CAVIN1: variants seen among roughly 807,000 people sequenced by gnomAD.
CAVIN1 encodes caveolae associated protein 1, also known as caveolae-associated protein 1.
CAVIN1 carries 16 observed loss-of-function variants against 24.0 expected under a neutral mutation model. The observed-to-expected ratio is 0.67, with a 90% confidence interval of 0.45 to 1.01. The LOEUF (loss-of-function observed/expected upper bound fraction) is 1.01. Among genes scored for constraint, CAVIN1 ranks in the 50% least tolerant of loss-of-function variants. The pLI is 0.00. For synonymous variants in CAVIN1, 256 were observed against 256.4 expected (o/e 1.00, Z 0.02); for missense variants, 510 against 551.7 (o/e 0.92, Z 0.76).
In CAVIN1 at chr17:42,423,066, C is replaced by T. The variant is rs970410049; in HGVS notation, c.32G>A (p.Arg11Gln). MEDPTLYIVE[R>Q]PLPGYPDAEA... ...GGCGTCGGGGTACCCGGGAAGCGGC[C>T]GCTCGACAATATAGAGCGTGGGGTC... Residue 11 changes from arginine (R) to glutamine (Q), a missense_variant, in exon 1 of 2, where the codon CGG becomes CAG. Coordinates refer to ENST00000357037, the MANE Select transcript of CAVIN1 (RefSeq NM_012232.6). 3 of 1,602,818 alleles carry T rather than the reference C, an allele frequency of 1.9e-6. No homozygotes were observed. The African/African-American group carries it at 4.0e-5, about 22-fold the overall frequency.
At chr17:42,405,442 G>T in intron 1 of CAVIN1, 54 bp from the exon 2 acceptor site, 1 of 1,574,048 alleles carries the variant, frequency 6.4e-7, no homozygotes, top group Non-Finnish European at 8.6e-7. Flanking sequence ...GGATGTGGGC[G>T]AGCCTGAGTC....
chr17:42,410,609 C>T (rs2085469489), intron 1 of CAVIN1, among the ~76,000 whole-genome samples: 1 of 151,970 alleles, frequency 6.6e-6, no homozygotes, highest in Admixed American at 6.6e-5. Context: ...AGATGAACAG[C>T]TTGGTTAAAA....
At position 42,423,181 on chromosome 17, in the gene CAVIN1, G is replaced by A. The variant is rs2085569110; in HGVS notation, c.-84C>T. 4 of 1,130,300 alleles carry A rather than the reference G, an allele frequency of 3.5e-6. No individual in the cohort carries two copies. The South Asian group carries it at 4.8e-5, about 13-fold the overall frequency. The allele number at this position is 1,130,300 out of a possible 1,614,324, so 70.0% of individuals were successfully genotyped here. ...GGAGAGAAGCAGGAGCGGAAGGGAG[G>A]AGAGCTAGCGGGCGAGAGCGGAGAG... is the stretch of plus-strand genomic sequence containing the variant. On this transcript the variant is annotated 5_prime_UTR_variant, in exon 1 of 2. Coordinates refer to ENST00000357037, the MANE Select transcript of CAVIN1 (RefSeq NM_012232.6).
chr17:42,407,422 A>G (rs1236242470), intron 1 of CAVIN1, among the ~76,000 whole-genome samples: 2 of 152,092 alleles, frequency 1.3e-5, no homozygotes, highest in African/African-American at 2.4e-5. Context: ...GCTGCTCGGT[A>G]TCTCTGCACC....
Position 42,402,900 on chromosome 17 carries a change from T to A in CAVIN1, c.*1787A>T, listed in dbSNP as rs550234812. 1 of 152,312 alleles carries A rather than the reference T, an allele frequency of 6.6e-6. No individual in the cohort carries two copies. The highest frequency in any genetic ancestry group is 1.9e-4 in the East Asian group (1 of 5,204). 9.4% of individuals were successfully genotyped at this position (152,312 alleles called of 1,614,324 possible). A position where few individuals can be genotyped will look rare whatever the true frequency, so the allele number is the denominator to read the frequency against. ...TAATGGGGAGGAACAAGGGGACTCG[T>A]GTCTTGAGAACCTGGTCGTGTCTTG... On this transcript the variant is annotated 3_prime_UTR_variant, in exon 2 of 2. Coordinates refer to ENST00000357037, the MANE Select transcript of CAVIN1 (RefSeq NM_012232.6).
At chr17:42,405,870 A>G (rs1291071826) in intron 1 of CAVIN1, among the ~76,000 whole-genome samples, 1 of 151,812 alleles carries the variant, frequency 6.6e-6, no homozygotes. Flanking sequence ...TATCTTTAAT[A>G]GAGACGGTGT....
intron 1 of CAVIN1, among the ~76,000 whole-genome samples, chr17:42,418,667 G>A (rs1466367296): frequency 1.3e-5 from 2 of 152,142 alleles, no homozygotes; most frequent in Admixed American, 1.3e-4. Flanking sequence ...TAGCACAATA[G>A]GGTGATAGAG....
chr17:42,423,238 C>A lies in CAVIN1; in HGVS notation c.-141G>T, dbSNP rs996945141. 9 of 689,946 alleles carry A rather than the reference C, an allele frequency of 1.3e-5. No individual in the cohort carries two copies. Among genetic ancestry groups the A allele is most frequent in the East Asian group, 2.7e-5 (1 of 36,722 alleles). 42.7% of individuals were successfully genotyped at this position (689,946 alleles called of 1,614,324 possible). On this transcript the variant is annotated 5_prime_UTR_variant, in exon 1 of 2. Transcript: ENST00000357037. The stretch of plus-strand genomic sequence containing the variant: ...AAACTCGAGCCACGTCCGTGCGCAC[C>A]GGGACAGCGGCCAGAACTGCTGGGC...
chr17:42,422,711 C>A lies in CAVIN1; in HGVS notation c.387G>T (p.Glu129Asp), dbSNP rs150787538. 1 of 1,609,232 alleles carries A rather than the reference C, an allele frequency of 6.2e-7. No homozygotes were observed. The highest frequency in any genetic ancestry group is 1.1e-5 in the South Asian group (1 of 90,250). The stretch of plus-strand genomic sequence containing the variant: ...GCTTCTTGATCTGCCCCGCCTGGCG[C>A]TCCAGGCTGCCGCGCACGGTCTTCA... The part of the protein sequence containing the change: ...VNVKTVRGSL[E>D]RQAGQIKKLE... Residue 129 changes from glutamate to aspartate, a missense_variant, in exon 1 of 2, where the codon GAG becomes GAT. By Grantham distance (45) the Glu-to-Asp change is conservative (BLOSUM62 2). Coordinates refer to ENST00000357037, the MANE Select transcript of CAVIN1 (RefSeq NM_012232.6).
chr17:42,423,181 G>C lies in CAVIN1; in HGVS notation c.-84C>G. 8.8e-7 allele frequency: 1 copy of C among 1,130,418 alleles called. No individual in the cohort carries two copies. Among genetic ancestry groups the C allele is most frequent in the Non-Finnish European group, 1.2e-6 (1 of 805,496 alleles). The allele number at this position is 1,130,418 out of a possible 1,614,324, so 70.0% of individuals were successfully genotyped here. On this transcript the variant is annotated 5_prime_UTR_variant, in exon 1 of 2. Transcript: ENST00000357037. ...GGAGAGAAGCAGGAGCGGAAGGGAG[G>C]AGAGCTAGCGGGCGAGAGCGGAGAG...
rs1444442045 is a variant in CAVIN1, at chr17:42,404,806, C to T, written c.1054G>A (p.Gly352Ser). Residue 352 changes from glycine (G) to serine (S), a missense_variant, in exon 2 of 2, where the codon GGC (glycine) becomes AGC (serine). Transcript: ENST00000357037. ...VEVGADDDEG[G>S]AERGEAGDLR... The stretch of plus-strand genomic sequence containing the variant: ...TCGCCGGCCTCCCCGCGCTCCGCGC[C>T]GCCCTCGTCGTCGTCGGCGCCCACC... 3.7e-6 allele frequency: 6 copies of T among 1,610,282 alleles called. No homozygotes were observed. The highest frequency in any genetic ancestry group is 2.2e-5 in the South Asian group (2 of 90,788).
In CAVIN1 at chr17:42,409,403, G is replaced by A. The variant is rs534482780; in HGVS notation, c.472-4015C>T. ...CGCATGAGCCACTGTGCCTGGCCAA[G>A]GGGAGGTTTATTCCTGGATTTAGAA... is the stretch of plus-strand genomic sequence containing the variant. On this transcript the variant is annotated intron_variant, in intron 1 of 1. Transcript: ENST00000357037. Among the ~76,000 whole-genome samples, 5 of 152,254 alleles carry A rather than the reference G, an allele frequency of 3.3e-5. No individual in the cohort carries two copies. The East Asian group carries it at 9.7e-4, about 29-fold the overall frequency.
chr17:42,420,375 G>A (rs1443759649), intron 1 of CAVIN1, among the ~76,000 whole-genome samples: 1 of 152,206 alleles, frequency 6.6e-6, no homozygotes, highest in Admixed American at 6.5e-5. Context: ...CTTTCCTCCA[G>A]CAGCCGGGTC....
chr17:42,412,291 G>A (rs954044952), intron 1 of CAVIN1: 26 of 984,978 alleles, frequency 2.6e-5, no homozygotes, highest in Non-Finnish European at 3.0e-5. Flanking sequence ...CTTGGGGTGG[G>A]TGCAAAAGGA....
chr17:42,405,523 A>C (rs1256591022), intron 1 of CAVIN1, 135 bp from the exon 2 acceptor site: 5 of 875,968 alleles, frequency 5.7e-6, no homozygotes, highest in Non-Finnish European at 9.3e-6. Flanking sequence ...GCGGGCGCTC[A>C]ATAAATGTGT....
intron 1 of CAVIN1, among the ~76,000 whole-genome samples, chr17:42,407,209 A>T (rs2145473992): frequency 6.6e-6 from 1 of 152,232 alleles, no homozygotes; most frequent in South Asian, 2.1e-4. Context: ...GGGAAAGGGC[A>T]GACCAAGATC....
chr17:42,422,878 G>A lies in CAVIN1; in HGVS notation c.220C>T (p.Gln74Ter). The change falls in exon 1 of 2, where the codon CAG becomes TAG. Residue 74 changes from glutamine (Q) to a stop codon, truncating the protein, a stop_gained. Transcript: ENST00000357037. LOFTEE classifies it high-confidence loss of function. ...AVDQIQLTQAQLEERQAEMEG... is the reference protein window; with the variant it reads ...AVDQIQLTQA The stretch of plus-strand genomic sequence containing the variant: ...ATCTCCGCCTGCCGCTCCTCCAGCT[G>A]TGCTTGAGTCAGCTGGATCTGGTCT... 6.2e-7 allele frequency: 1 copy of A among 1,614,140 alleles called. No individual in the cohort carries two copies. Among genetic ancestry groups the A allele is most frequent in the Non-Finnish European group, 8.5e-7 (1 of 1,180,028 alleles).
At chr17:42,412,239 C>T (rs2085483346) in intron 1 of CAVIN1, 1 of 984,828 alleles carries the variant, frequency 1.0e-6, no homozygotes, top group South Asian at 4.7e-5. Context: ...GTGCATTCGG[C>T]TTCTTCTTGG....
At chr17:42,421,083 G>C (rs766815882) in intron 1 of CAVIN1, among the ~76,000 whole-genome samples, 3 of 152,138 alleles carry the variant, frequency 2.0e-5, no homozygotes, top group Non-Finnish European at 4.4e-5. Flanking sequence ...GGGAAGTAAA[G>C]CTTTTAAAAG....
Sources: allele counts gnomAD v4.1 joint callset (sites outside exome capture counted in the v4.1 genomes callset), GRCh38; gene constraint gnomAD v4.1.1; transcripts MANE v1.5; gene names NCBI Gene and HGNC (gene_info 2026-07-23, HGNC 2026-07-21).